The following RPH3A variants were observed in gnomAD, a reference collection of about 807,000 sequenced individuals.
RPH3A encodes the protein rabphilin-3A.
A neutral mutation model predicts 102.2 loss-of-function variants in RPH3A; 48 were observed. The observed-to-expected ratio is 0.47, with a 90% CI of 0.37 to 0.60. The LOEUF (loss-of-function observed/expected upper bound fraction) is 0.60, where lower values mean the gene tolerates loss of function less well. RPH3A is among the 20% of genes least tolerant of loss of function. The probability of loss-of-function intolerance (pLI) is 0.00; values close to 1 mark genes in which losing one functional copy is unlikely to be tolerated. For synonymous variants in RPH3A, 310 were observed against 324.3 expected (o/e 0.96, Z 0.47); for missense variants, 781 against 910.1 (o/e 0.86, Z 1.83).
At chr12:112,823,144 G>A (rs1308612282) in intron 2 of RPH3A, among the ~76,000 whole-genome samples, 1 of 152,216 alleles carries the variant, frequency 6.6e-6, no homozygotes, top group Admixed American at 6.5e-5. Flanking sequence ...AGGCTGAGAG[G>A]TGAAAATGCA....
chr12:112,719,055 T>A (rs1225105269), intron 1 of RPH3A, among the ~76,000 whole-genome samples: 1 of 152,194 alleles, frequency 6.6e-6, no homozygotes, highest in East Asian at 1.9e-4. Context: ...GGCAATGCCA[T>A]TTTTTGTTGT....
At chr12:112,771,039 T>C (rs1387242171) in intron 1 of RPH3A, among the ~76,000 whole-genome samples, 2 of 152,202 alleles carry the variant, frequency 1.3e-5, no homozygotes, top group African/African-American at 4.8e-5. Context: ...GTACAAGTGG[T>C]TGCAAATTAA....
intron 2 of RPH3A, among the ~76,000 whole-genome samples, chr12:112,821,618 T>C (rs761301922): frequency 6.6e-6 from 1 of 152,224 alleles, no homozygotes; most frequent in Non-Finnish European, 1.5e-5. Flanking sequence ...ATAGCATCTC[T>C]CAGTGAGGCT....
chr12:112,636,492 C>G (rs1467742958), intron 1 of RPH3A, among the ~76,000 whole-genome samples: 1 of 152,076 alleles, frequency 6.6e-6, no homozygotes, highest in Admixed American at 6.6e-5. Flanking sequence ...TTCATGATGG[C>G]TAGGGAACAT....
chr12:112,749,633 C>A (rs999087831), intron 1 of RPH3A, among the ~76,000 whole-genome samples: 1 of 152,188 alleles, frequency 6.6e-6, no homozygotes. Flanking sequence ...CTGTATCCAA[C>A]CATGCAAAGC....
rs2041132969 is a variant in RPH3A at position 112,792,228 on chromosome 12, G to C, written c.-54G>C. On this transcript the variant is annotated 5_prime_UTR_variant, in exon 2 of 22. Coordinates refer to ENST00000389385, the MANE Select transcript of RPH3A (RefSeq NM_001143854.2). Reference sequence around the variant, plus strand: ...GAAGGGAGGAGTTGGCAAGAATTTGGCTCACCCATTCCCCCTGCAAGCCTC... The same window carrying C: ...GAAGGGAGGAGTTGGCAAGAATTTGCCTCACCCATTCCCCCTGCAAGCCTC... 6.6e-6 allele frequency: 1 copy of C among 152,108 alleles called. No individual in the cohort carries two copies. Among genetic ancestry groups the C allele is most frequent in the South Asian group, 2.1e-4 (1 of 4,820 alleles). 9.4% of individuals were successfully genotyped at this position (152,108 alleles called of 1,614,324 possible).
At chr12:112,755,298 T>TATATAC (rs1489083022) in intron 1 of RPH3A, among the ~76,000 whole-genome samples, 1 of 145,778 alleles carries the variant, frequency 6.9e-6, no homozygotes, top group Non-Finnish European at 1.5e-5. Flanking sequence ...TATATGTATA[T>TATATAC]ACACACACAC....
intron 1 of RPH3A, among the ~76,000 whole-genome samples, chr12:112,586,185 G>A (rs528134555): frequency 4.6e-5 from 7 of 152,162 alleles, no homozygotes; most frequent in South Asian, 2.1e-4. Flanking sequence ...TGCCCTCCAC[G>A]CTTGTATTAA....
At chr12:112,755,932 A>T (rs747537529) in intron 1 of RPH3A, among the ~76,000 whole-genome samples, 5 of 152,302 alleles carry the variant, frequency 3.3e-5, no homozygotes, top group Non-Finnish European at 7.3e-5. Flanking sequence ...TAAATCAGTA[A>T]ATCTCATCCT....
chr12:112,895,724 A>T, intron 20 of RPH3A, 53 bp from the exon 21 acceptor site: 1 of 1,312,758 alleles, frequency 7.6e-7, no homozygotes. Flanking sequence ...TTACCTCCCA[A>T]TGCTGTGGGT....
At chr12:112,639,493 C>T (rs7134102) in intron 1 of RPH3A, among the ~76,000 whole-genome samples, 1,929 of 151,912 alleles carry the variant, frequency 0.013, 55 homozygotes, top group African/African-American at 0.045. Context: ...TGGGGCCTGT[C>T]GGGGGAGAGG....
At chr12:112,787,817 A>G (rs529662901), upstream of RPH3A, among the ~76,000 whole-genome samples, 21 of 152,270 alleles carry the variant, frequency 1.4e-4, no homozygotes, top group East Asian at 4.1e-3. Context: ...AGTGGGTAGC[A>G]TTTGTTGCTG....
intron 5 of RPH3A, among the ~76,000 whole-genome samples, chr12:112,864,567 A>G (rs2042576393): frequency 6.6e-6 from 1 of 152,192 alleles, no homozygotes; most frequent in Non-Finnish European, 1.5e-5. Context: ...AAGGAACTGA[A>G]TGTGCTCTGA....
intron 1 of RPH3A, among the ~76,000 whole-genome samples, chr12:112,732,463 T>C (rs2040641361): frequency 6.6e-6 from 1 of 152,224 alleles, no homozygotes; most frequent in Non-Finnish European, 1.5e-5. Flanking sequence ...GAGAATTTGA[T>C]GAGTCCATAC....
At chr12:112,744,047 C>A (rs548542654) in intron 1 of RPH3A, among the ~76,000 whole-genome samples, 1 of 152,254 alleles carries the variant, frequency 6.6e-6, no homozygotes, top group South Asian at 2.1e-4. Flanking sequence ...GCCACTTGAC[C>A]TTGACTGTTC....
intron 1 of RPH3A, among the ~76,000 whole-genome samples, chr12:112,662,475 T>C (rs1032834558): frequency 1.3e-5 from 2 of 152,184 alleles, no homozygotes; most frequent in African/African-American, 4.8e-5. Context: ...GTGTCTAAGA[T>C]CAAACAATGA....
At chr12:112,657,386 C>T (rs186818884) in intron 1 of RPH3A, among the ~76,000 whole-genome samples, 3 of 152,026 alleles carry the variant, frequency 2.0e-5, no homozygotes, top group African/African-American at 7.2e-5. Context: ...AAGGAATACA[C>T]TCTAAAATAA....
intron 1 of RPH3A, among the ~76,000 whole-genome samples, chr12:112,759,140 C>G (rs548098665): frequency 6.6e-6 from 1 of 152,310 alleles, no homozygotes; most frequent in Non-Finnish European, 1.5e-5. Context: ...GTTTTGAAAG[C>G]ATGCAACAGT....
At chr12:112,713,565 G>GA (rs5800967) in intron 1 of RPH3A, among the ~76,000 whole-genome samples, 55,647 of 148,912 alleles carry the variant, frequency 0.37, 10,477 homozygotes, top group South Asian at 0.54. Flanking sequence ...AGATTTGCAG[G>GA]AAAAAAAAAA....
Sources: gnomAD v4.1 joint callset for allele counts (sites outside exome capture counted in the v4.1 genomes callset) on GRCh38, gnomAD v4.1.1 for gene constraint, MANE v1.5 for transcripts, NCBI Gene and HGNC (gene_info 2026-07-23, HGNC 2026-07-21) for gene names.